ST6GALNAC3: variants seen among roughly 807,000 people sequenced by gnomAD.
ST6GALNAC3 encodes the protein alpha-N-acetylgalactosaminide alpha-2,6-sialyltransferase 3.
ST6GALNAC3 carries 25 observed loss-of-function variants against 32.7 expected under a neutral mutation model. That is an observed-to-expected ratio of 0.76 (90% CI 0.56 to 1.07). The LOEUF (loss-of-function observed/expected upper bound fraction) is 1.07. Ranked by LOEUF, ST6GALNAC3 falls within the 50% of genes least tolerant of loss-of-function variation. The pLI is 0.00. For missense variants in ST6GALNAC3, 355 were observed against 382.4 expected (o/e 0.93, Z 0.60); for synonymous variants, 129 against 133.1 (o/e 0.97, Z 0.21).
chr1:76,496,176 A>G (rs936059230), intron 3 of ST6GALNAC3, among the ~76,000 whole-genome samples: 2 of 152,148 alleles, frequency 1.3e-5, no homozygotes, highest in African/African-American at 4.8e-5. Context: ...TCTGCCTGAG[A>G]TTTAGACAGA....
intron 3 of ST6GALNAC3, among the ~76,000 whole-genome samples, chr1:76,525,810 T>TAC (rs1557529038): frequency 1.0e-4 from 13 of 126,810 alleles, no homozygotes; most frequent in South Asian, 8.4e-4. Context: ...TATATATATA[T>TAC]ATATATATAT....
intron 1 of ST6GALNAC3, among the ~76,000 whole-genome samples, chr1:76,226,752 C>G (rs1433046730): frequency 2.6e-5 from 4 of 152,224 alleles, no homozygotes; most frequent in Admixed American, 2.6e-4. Flanking sequence ...AACTCACTCA[C>G]TATCACAAGA....
chr1:76,488,432 A>G (rs1660276199), intron 3 of ST6GALNAC3, among the ~76,000 whole-genome samples: 1 of 152,174 alleles, frequency 6.6e-6, no homozygotes, highest in Admixed American at 6.6e-5. Flanking sequence ...GAGCCGATTA[A>G]AACACTTCTC....
At chr1:76,627,390 T>A in intron 3 of ST6GALNAC3, 62 bp from the exon 4 acceptor site, 2 of 1,069,318 alleles carry the variant, frequency 1.9e-6, no homozygotes, top group Non-Finnish European at 2.9e-6. Flanking sequence ...CACACCTTAT[T>A]GTTCTGTGTG....
At chr1:76,612,660 A>G (rs1479325979) in intron 3 of ST6GALNAC3, among the ~76,000 whole-genome samples, 3 of 152,152 alleles carry the variant, frequency 2.0e-5, no homozygotes, top group African/African-American at 7.2e-5. Context: ...CGATGTGCAA[A>G]TCGGCAGTTG....
intron 3 of ST6GALNAC3, among the ~76,000 whole-genome samples, chr1:76,535,893 C>A (rs1380350337): frequency 2.6e-5 from 4 of 151,926 alleles, no homozygotes; most frequent in Non-Finnish European, 5.9e-5. Context: ...TAATGGGCTG[C>A]AGGTTTTATA....
intron 3 of ST6GALNAC3, among the ~76,000 whole-genome samples, chr1:76,491,343 G>A (rs2101692410): frequency 6.6e-6 from 1 of 152,162 alleles, no homozygotes; most frequent in South Asian, 2.1e-4. Context: ...TACTTTCAGA[G>A]GTTCTTTGAA....
intron 3 of ST6GALNAC3, among the ~76,000 whole-genome samples, chr1:76,520,884 T>C (rs1040040123): frequency 1.3e-5 from 2 of 152,178 alleles, no homozygotes; most frequent in Non-Finnish European, 2.9e-5. Flanking sequence ...CTTGAAAATA[T>C]TAATCTTCTA....
At chr1:76,611,885 T>C (rs1387182617) in intron 3 of ST6GALNAC3, among the ~76,000 whole-genome samples, 4 of 152,170 alleles carry the variant, frequency 2.6e-5, no homozygotes, top group Non-Finnish European at 5.9e-5. Context: ...TTGAAAGAGA[T>C]GATATGAGAA....
chr1:76,492,352 A>C (rs1318856432), intron 3 of ST6GALNAC3, among the ~76,000 whole-genome samples: 2 of 152,196 alleles, frequency 1.3e-5, no homozygotes, highest in Admixed American at 6.6e-5. Context: ...AAGTAGTATT[A>C]AGTAAGGAAA....
rs540918653 is a variant in ST6GALNAC3 at position 76,522,108 on chromosome 1, A to G, written c.624-105344A>G. Among the ~76,000 whole-genome samples, 32 of 149,030 alleles carry G rather than the reference A, an allele frequency of 2.1e-4. No homozygotes were observed. In the East Asian group the frequency reaches 5.9e-3, roughly 27 times the overall value. On this transcript the variant is annotated intron_variant, in intron 3 of 4. Transcript: ENST00000328299. ...TCTAAAAAAAAAAAAAAAAAACACC[A>G]TTCTAATTTCTTCTGGCTTATATCA...
intron 3 of ST6GALNAC3, among the ~76,000 whole-genome samples, chr1:76,519,184 C>T (rs1662360743): frequency 6.6e-6 from 1 of 151,642 alleles, no homozygotes; most frequent in Admixed American, 6.6e-5. Context: ...TGTTTTTCCT[C>T]AAATATATCC....
intron 2 of ST6GALNAC3, among the ~76,000 whole-genome samples, chr1:76,357,833 G>T (rs1457294738): frequency 1.3e-5 from 2 of 152,092 alleles, no homozygotes; most frequent in African/African-American, 4.8e-5. Flanking sequence ...CAAAAATATT[G>T]TTGCACTGGA....
intron 1 of ST6GALNAC3, among the ~76,000 whole-genome samples, chr1:76,263,906 AG>A (rs777300725): frequency 1.5e-4 from 23 of 152,166 alleles, no homozygotes; most frequent in Non-Finnish European, 2.6e-4. Flanking sequence ...AGGTAGGAAG[AG>A]GTTTGAACTA....
At chr1:76,383,196 A>T (rs1277778547) in intron 2 of ST6GALNAC3, among the ~76,000 whole-genome samples, 1 of 152,146 alleles carries the variant, frequency 6.6e-6, no homozygotes, top group East Asian at 1.9e-4. Flanking sequence ...TAAAAATAAA[A>T]TATTTGTGGA....
intron 1 of ST6GALNAC3, among the ~76,000 whole-genome samples, chr1:76,126,358 G>A (rs997300427): frequency 1.3e-5 from 2 of 151,950 alleles, no homozygotes; most frequent in African/African-American, 4.8e-5. Context: ...GTAAGTGATG[G>A]CCTTAAGGGA....
chr1:76,316,688 C>A (rs1646873343), intron 2 of ST6GALNAC3, among the ~76,000 whole-genome samples: 1 of 151,984 alleles, frequency 6.6e-6, no homozygotes, highest in African/African-American at 2.4e-5. Flanking sequence ...GGGGATTTAG[C>A]AATATACTAT....
intron 3 of ST6GALNAC3, among the ~76,000 whole-genome samples, chr1:76,583,761 A>G (rs1171529727): frequency 6.6e-6 from 1 of 152,218 alleles, no homozygotes; most frequent in Non-Finnish European, 1.5e-5. Flanking sequence ...CACCACAATC[A>G]TATTTCCATA....
chr1:76,401,382 A>G (rs932672299), intron 2 of ST6GALNAC3, among the ~76,000 whole-genome samples: 2 of 152,138 alleles, frequency 1.3e-5, no homozygotes, highest in East Asian at 1.9e-4. Flanking sequence ...TATCTGCTCC[A>G]TCACTTTTTA....
Sources: gnomAD v4.1 joint callset for allele counts (sites outside exome capture counted in the v4.1 genomes callset) on GRCh38, gnomAD v4.1.1 for gene constraint, MANE v1.5 for transcripts, NCBI Gene and HGNC (gene_info 2026-07-23, HGNC 2026-07-21) for gene names.